DLGAP2: variants seen among roughly 807,000 people sequenced by gnomAD.
DLGAP2 encodes the protein disks large-associated protein 2.
A neutral mutation model predicts 100.3 loss-of-function variants in DLGAP2; 26 were observed. The observed-to-expected ratio is 0.26, with a 90% confidence interval of 0.19 to 0.36. The LOEUF is 0.36. Ranked by LOEUF, DLGAP2 falls within the 10% of genes least tolerant of loss-of-function variation. The probability of loss-of-function intolerance (pLI) is 1.00; values close to 1 mark genes in which losing one functional copy is unlikely to be tolerated. For synonymous variants in DLGAP2, 886 were observed against 630.1 expected (o/e 1.41, Z -6.08); for missense variants, 1,858 against 1,453.2 (o/e 1.28, Z -4.53).
At chr8:1,175,504 G>T (rs1301006172) in intron 2 of DLGAP2, among the ~76,000 whole-genome samples, 4 of 152,152 alleles carry the variant, frequency 2.6e-5, no homozygotes, top group African/African-American at 9.7e-5. Flanking sequence ...AATAAAAGTT[G>T]TTTATCATGT....
intron 1 of DLGAP2, among the ~76,000 whole-genome samples, chr8:764,005 T>A (rs1821149588): frequency 6.6e-6 from 1 of 152,238 alleles, no homozygotes; most frequent in Admixed American, 6.5e-5. Context: ...AAATTTTCAT[T>A]TTTAAGAGTC....
At chr8:1,321,718 T>C (rs1195814462) in intron 3 of DLGAP2, among the ~76,000 whole-genome samples, 1 of 152,242 alleles carries the variant, frequency 6.6e-6, no homozygotes, top group Non-Finnish European at 1.5e-5. Flanking sequence ...AGAACTCGGC[T>C]TCCCCATTTA....
At chr8:1,691,420 T>C (rs1330158465) in intron 12 of DLGAP2, 115 bp from the exon 13 acceptor site, 8 of 819,686 alleles carry the variant, frequency 9.8e-6, no homozygotes, top group African/African-American at 1.7e-5. Context: ...CACGATGAAG[T>C]CGTCAGTTTT....
At chr8:1,213,261 C>T (rs1205694213) in intron 2 of DLGAP2, among the ~76,000 whole-genome samples, 2 of 152,168 alleles carry the variant, frequency 1.3e-5, no homozygotes, top group Non-Finnish European at 2.9e-5. Flanking sequence ...CAACAGGCTT[C>T]AGGATGTTGA....
rs1420205361 is a variant in DLGAP2, at chr8:1,258,867, C to G, written c.90C>G (p.Leu30=). 51 of 1,231,680 alleles carry G rather than the reference C, an allele frequency of 4.1e-5. No individual in the cohort carries two copies. In the South Asian group the frequency reaches 4.5e-4, roughly 11 times the overall value. The allele number at this position is 1,231,680 out of a possible 1,614,324, so 76.3% of individuals were successfully genotyped here. Residue 30 remains leucine, a synonymous_variant, in exon 3 of 15, where the codon CTC becomes CTG. Transcript: ENST00000637795. The part of the protein sequence containing the change: ...PDRNTESQCT[L]CGEPEEEEAG... The stretch of plus-strand genomic sequence containing the variant: ...TGTTTTCAGAGTCGCAGTGCACGCT[C>G]TGCGGGGAGCCGGAAGGTGAGTACC...
intron 2 of DLGAP2, among the ~76,000 whole-genome samples, chr8:1,102,145 G>T (rs1804605565): frequency 6.7e-6 from 1 of 149,680 alleles, no homozygotes; most frequent in Admixed American, 6.7e-5. Context: ...ATTAGTAAAA[G>T]CTTAATATAT....
At chr8:1,478,088 C>T (rs1317888730) in intron 3 of DLGAP2, among the ~76,000 whole-genome samples, 1 of 152,234 alleles carries the variant, frequency 6.6e-6, no homozygotes, top group Middle Eastern at 3.2e-3. Context: ...TCCCCATTTG[C>T]CGTCTTGCTC....
intron 6 of DLGAP2, among the ~76,000 whole-genome samples, chr8:1,618,383 T>C (rs1194258622): frequency 6.6e-6 from 1 of 152,216 alleles, no homozygotes; most frequent in Non-Finnish European, 1.5e-5. Context: ...TGTGGTGCTC[T>C]AAGATAGACC....
intron 2 of DLGAP2, among the ~76,000 whole-genome samples, chr8:1,201,353 G>T (rs57002190): frequency 6.6e-6 from 1 of 152,150 alleles, no homozygotes; most frequent in Non-Finnish European, 1.5e-5. Flanking sequence ...CCCGCTCAGG[G>T]GCCGTGGGGC....
At chr8:1,013,144 T>C (rs1425060313) in intron 2 of DLGAP2, among the ~76,000 whole-genome samples, 1 of 152,192 alleles carries the variant, frequency 6.6e-6, no homozygotes, top group East Asian at 1.9e-4. Flanking sequence ...TTGATCTAGT[T>C]ACTGAAAGGC....
chr8:915,506 C>A (rs955199168), intron 2 of DLGAP2, among the ~76,000 whole-genome samples: 4 of 151,762 alleles, frequency 2.6e-5, no homozygotes, highest in African/African-American at 7.3e-5. Flanking sequence ...GAGATCGCAC[C>A]ACTGCACTCC....
chr8:1,261,997 G>C (rs552238631), intron 3 of DLGAP2, among the ~76,000 whole-genome samples: 390 of 152,278 alleles, frequency 2.6e-3, no homozygotes, highest in African/African-American at 8.9e-3. Context: ...TTAGCATCTC[G>C]CTTTCTTGTC....
chr8:1,111,298 A>G (rs1804949107), intron 2 of DLGAP2, among the ~76,000 whole-genome samples: 2 of 152,068 alleles, frequency 1.3e-5, no homozygotes, highest in South Asian at 4.1e-4. Context: ...AAGACCCAGC[A>G]CTGTGTGTGC....
intron 3 of DLGAP2, among the ~76,000 whole-genome samples, chr8:1,360,493 G>A (rs567305475): frequency 3.9e-4 from 59 of 152,106 alleles, no homozygotes; most frequent in Non-Finnish European, 6.8e-4. Context: ...CACTGCATGC[G>A]GACGTGGCTC....
intron 4 of DLGAP2, among the ~76,000 whole-genome samples, chr8:1,515,844 G>A (rs1399753504): frequency 6.6e-6 from 1 of 152,216 alleles, no homozygotes; most frequent in Non-Finnish European, 1.5e-5. Flanking sequence ...ACTGTGCTAT[G>A]GACTCTTTAA....
chr8:1,460,272 G>T lies in DLGAP2; in HGVS notation c.107-41094G>T, dbSNP rs997230638. On this transcript the variant is annotated intron_variant, in intron 3 of 14. Transcript: ENST00000637795. ...GAGCCATGTTCTCTGTGTACAAGTG[G>T]CTTATGATCGAACTTGTGTCTTATG... Among the ~76,000 whole-genome samples the T allele has an allele frequency of 1.7e-4, 26 of 152,318 alleles. 1 individual carries two copies. Among genetic ancestry groups the T allele is most frequent in the African/African-American group, 5.5e-4 (23 of 41,568 alleles).
rs539611380 is a variant in DLGAP2, at chr8:1,703,440, T to C, written c.*2034T>C. On this transcript the variant is annotated 3_prime_UTR_variant, in exon 15 of 15. Coordinates refer to ENST00000637795, the MANE Select transcript of DLGAP2 (RefSeq NM_001346810.2). ...ACGCTTCTTCCTATATCCACTCTTA[T>C]TATGTTAAAACAAATGTATTTGCGA... 1.3e-5 allele frequency: 2 copies of C among 152,746 alleles called. No individual in the cohort carries two copies. The highest frequency in any genetic ancestry group is 4.8e-5 in the African/African-American group (2 of 41,562). The allele number at this position is 152,746 out of a possible 1,614,324, so 9.5% of individuals were successfully genotyped here.
At chr8:1,270,100 C>G (rs1585210355) in intron 3 of DLGAP2, among the ~76,000 whole-genome samples, 1 of 152,084 alleles carries the variant, frequency 6.6e-6, no homozygotes, top group Non-Finnish European at 1.5e-5. Flanking sequence ...GACCATGATG[C>G]AAAACTTTCT....
intron 1 of DLGAP2, among the ~76,000 whole-genome samples, chr8:836,085 C>A (rs1796869336): frequency 6.6e-6 from 1 of 152,196 alleles, no homozygotes; most frequent in South Asian, 2.1e-4. Flanking sequence ...AGCCATGGAG[C>A]ACAGCGGCGG....
Sources: gnomAD v4.1 joint callset for allele counts (sites outside exome capture counted in the v4.1 genomes callset) on GRCh38, gnomAD v4.1.1 for gene constraint, MANE v1.5 for transcripts, NCBI Gene and HGNC (gene_info 2026-07-23, HGNC 2026-07-21) for gene names.